PDXDC1: variants seen among roughly 807,000 people sequenced by gnomAD.
PDXDC1 encodes the protein pyridoxal-dependent decarboxylase domain-containing protein 1.
In PDXDC1, 42 loss-of-function variants were observed where a neutral mutation model predicts 100.1. The ratio of observed to expected loss-of-function variants is 0.42; its 90% confidence interval spans 0.33 to 0.54. The LOEUF (loss-of-function observed/expected upper bound fraction) is 0.54. PDXDC1 is among the 20% of genes least tolerant of loss of function. PDXDC1 has a pLI of 0.10. For missense variants in PDXDC1, 636 were observed against 979.2 expected, an observed-to-expected ratio of 0.65 and a Z score of 4.68; for synonymous variants, 260 against 371.7, an observed-to-expected ratio of 0.70 and a Z score of 3.46.
intron 16 of PDXDC1, among the ~76,000 whole-genome samples, chr16:15,066,191 C>T (rs2044962940): frequency 6.6e-6 from 1 of 152,164 alleles, no homozygotes; most frequent in African/African-American, 2.4e-5. Context: ...GTGGAGGACA[C>T]ATCAGCAAAA....
chr16:15,023,736 C>T (rs2042376762), intron 13 of PDXDC1, among the ~76,000 whole-genome samples: 1 of 152,274 alleles, frequency 6.6e-6, no homozygotes, highest in Non-Finnish European at 1.5e-5. Context: ...AGCCAGTTGA[C>T]CCGAGTTCTA....
chr16:15,092,666 A>G (rs1174251143), intron 16 of PDXDC1: 4 of 1,156,236 alleles, frequency 3.5e-6, no homozygotes, highest in Non-Finnish European at 3.9e-6. Flanking sequence ...AATAAAAATT[A>G]TAATAGCCAA....
intron 1 of PDXDC1, among the ~76,000 whole-genome samples, chr16:14,995,461 TGAACCAGCCTTG>T (rs1487995540): frequency 6.6e-6 from 1 of 152,296 alleles, no homozygotes; most frequent in African/African-American, 2.4e-5. Flanking sequence ...TTGCGTATGT[TGAACCAGCCTTG>T]CATCCCAGGG....
In PDXDC1 at chr16:15,036,057, T is replaced by C. The variant is rs1567736731; in HGVS notation, c.2149T>C (p.Leu717=). 1 of 1,614,140 alleles carries C rather than the reference T, an allele frequency of 6.2e-7. No individual in the cohort carries two copies. The highest frequency in any genetic ancestry group is 2.2e-5 in the East Asian group (1 of 44,884). ...AAGGTCCCTGCGAGGTTCAGATGCT[T>C]TGAGTGAGACCAGCTCAGTCAGTCA... ...FKRSLRGSDA[L]SETSSVSHIE... is the part of the protein sequence containing the mutation. Residue 717 remains leucine, a synonymous_variant, in exon 23 of 23, where the codon TTG becomes CTG. Coordinates refer to ENST00000396410, the MANE Select transcript of PDXDC1 (RefSeq NM_015027.4).
intron 13 of PDXDC1, 112 bp from the exon 14 acceptor site, chr16:15,026,531 G>T (rs769948248): frequency 1.7e-4 from 149 of 867,194 alleles, no homozygotes; most frequent in Non-Finnish European, 2.4e-4. Context: ...ACTTTTTAGT[G>T]TGTTTATTTA....
intron 16 of PDXDC1, among the ~76,000 whole-genome samples, chr16:15,055,193 T>A (rs2044457180): frequency 6.6e-6 from 1 of 152,060 alleles, no homozygotes; most frequent in African/African-American, 2.4e-5. Flanking sequence ...CCGCTCTTTT[T>A]AAAACCTGAG....
chr16:15,140,856 A>G (rs1363302159), downstream of PDXDC1, among the ~76,000 whole-genome samples: 3 of 151,872 alleles, frequency 2.0e-5, no homozygotes, highest in Admixed American at 1.3e-4. Context: ...AGGTCTGCAC[A>G]CCACCCCCCT....
At position 15,024,389 on chromosome 16, in the gene PDXDC1, A is replaced by AC. The variant is rs1326819237; in HGVS notation, c.1140+1641dup. Among the ~76,000 whole-genome samples, 19 of 123,054 alleles carry AC rather than the reference A, an allele frequency of 1.5e-4. No homozygotes were observed. In the Middle Eastern group the frequency reaches 0.021, roughly 138 times the overall value. 80.7% of individuals were successfully genotyped at this position (123,054 alleles called of 152,430 possible). ...TCTCTGCCTGGAAACACTGTTTCCC[A>AC]CCCCCCGTCCCCAATTCTTCTGTTT... On this transcript the variant is annotated intron_variant, in intron 13 of 22. Coordinates refer to ENST00000396410, the MANE Select transcript of PDXDC1 (RefSeq NM_015027.4).
chr16:15,136,423 C>T (rs941418964), intron 16 of PDXDC1: 20 of 601,258 alleles, frequency 3.3e-5, no homozygotes, highest in East Asian at 2.5e-4. Context: ...CTGACAGGAA[C>T]GGCCCCACCG....
chr16:15,051,721 G>C (rs1404979043), intron 16 of PDXDC1, among the ~76,000 whole-genome samples: 1 of 126,390 alleles, frequency 7.9e-6, no homozygotes, highest in African/African-American at 3.0e-5. Context: ...TTTTTTTAGA[G>C]ACAAGGCCTC....
intron 16 of PDXDC1, among the ~76,000 whole-genome samples, chr16:15,080,306 TG>T (rs1369449446): frequency 6.6e-6 from 1 of 152,264 alleles, no homozygotes; most frequent in African/African-American, 2.4e-5. Flanking sequence ...ATTTTTAATT[TG>T]CATAACTATA....
chr16:15,091,889 A>C (rs991035037), intron 16 of PDXDC1, among the ~76,000 whole-genome samples: 1 of 152,142 alleles, frequency 6.6e-6, no homozygotes, highest in Non-Finnish European at 1.5e-5. Flanking sequence ...AAAAAATAAA[A>C]TGCTGTAGGC....
At chr16:15,075,860 C>T (rs1366182107) in intron 16 of PDXDC1, among the ~76,000 whole-genome samples, 1 of 152,166 alleles carries the variant, frequency 6.6e-6, no homozygotes, top group African/African-American at 2.4e-5. Flanking sequence ...GTACTGGCGG[C>T]CAATAGCTCA....
intron 16 of PDXDC1, among the ~76,000 whole-genome samples, chr16:15,074,283 G>T (rs1003370075): frequency 6.6e-6 from 1 of 152,032 alleles, no homozygotes. Flanking sequence ...TTCTGTTTTC[G>T]CCTGGCAAAG....
chr16:15,148,017 G>A, the PDXDC1 span, among the ~76,000 whole-genome samples: 95 of 149,480 alleles, frequency 6.4e-4, no homozygotes, highest in African/African-American at 2.1e-3. Flanking sequence ...TTTAAAGACC[G>A]TTTCCTAGTC....
At chr16:15,088,398 T>G (rs1210097852) in intron 16 of PDXDC1, among the ~76,000 whole-genome samples, 2 of 151,492 alleles carry the variant, frequency 1.3e-5, no homozygotes, top group Non-Finnish European at 2.9e-5. Context: ...GCCTGGGAGG[T>G]TGAGGCTGCA....
the PDXDC1 span, among the ~76,000 whole-genome samples, chr16:15,148,179 T>A: frequency 4.6e-5 from 7 of 151,284 alleles, no homozygotes; most frequent in East Asian, 1.4e-3. Flanking sequence ...TTGCCCAGGC[T>A]GGCCTCAAAC....
intron 16 of PDXDC1, chr16:15,127,540 AG>A (rs763976878): frequency 1.5e-6 from 2 of 1,376,124 alleles, no homozygotes; most frequent in Non-Finnish European, 2.0e-6. Flanking sequence ...GCTGGACACC[AG>A]GCCAACAGCG....
At chr16:15,052,515 G>A (rs1254887763) in intron 16 of PDXDC1, among the ~76,000 whole-genome samples, 2 of 152,118 alleles carry the variant, frequency 1.3e-5, no homozygotes, top group African/African-American at 4.8e-5. Flanking sequence ...AAGGTGATCT[G>A]TGAACTGTAA....
Sources: allele counts gnomAD v4.1 joint callset (sites outside exome capture counted in the v4.1 genomes callset), GRCh38; gene constraint gnomAD v4.1.1; transcripts MANE v1.5; gene names NCBI Gene and HGNC (gene_info 2026-07-23, HGNC 2026-07-21).